Variants in JAK1 observed in about 807,000 individuals in gnomAD.
The protein encoded by JAK1 is tyrosine-protein kinase JAK1.
A neutral mutation model predicts 136.6 loss-of-function variants in JAK1; 16 were observed. The ratio of observed to expected loss-of-function variants is 0.12; its 90% confidence interval spans 0.08 to 0.18. The LOEUF (loss-of-function observed/expected upper bound fraction) is 0.18, where lower values mean the gene tolerates loss of function less well. Ranked by LOEUF, JAK1 falls within the 10% of genes least tolerant of loss-of-function variation. The pLI, the probability that JAK1 is intolerant of heterozygous loss-of-function variation, is 1.00. For missense variants in JAK1, 859 were observed against 1,450.1 expected (o/e 0.59, Z 6.62); for synonymous variants, 492 against 519.5 (o/e 0.95, Z 0.72).
chr1:64,990,919 C>CAAAAAAAAAAAAAAAAAAAGAAAAAAA (rs1646649906), intron 2 of JAK1: 1 of 44,168 alleles, frequency 2.3e-5, no homozygotes, highest in East Asian at 4.0e-4. Context: ...GACTCCGTCT[C>CAAAAAAAAAAAAAAAAAAAGAAAAAAA]AAAAAAAAAA....
intron 4 of JAK1, among the ~76,000 whole-genome samples, chr1:64,876,671 C>G (rs757656312): frequency 1.3e-4 from 20 of 152,078 alleles, no homozygotes; most frequent in Admixed American, 1.2e-3. Flanking sequence ...TATAAAGGTG[C>G]TCATCAAACC....
rs530978437 is a variant in JAK1, at chr1:65,020,272, T to C, written c.-78+24208A>G. ...AAGCTGTGTATAACTTTAGTTCTGT[T>C]AGACAATGCCACACTCTTTCAAAGT... On this transcript the variant is annotated intron_variant, in intron 2 of 25. Transcript: ENST00000671954. Among the ~76,000 whole-genome samples the C allele has an allele frequency of 5.2e-4, 79 of 151,492 alleles. 2 individuals carry two copies. The highest frequency in any genetic ancestry group is 6.9e-3 in the Middle Eastern group (2 of 290).
rs75577126 is a variant in JAK1, at chr1:64,919,286, G to A, written c.-77-32945C>T. On this transcript the variant is annotated intron_variant, in intron 1 of 24. Transcript: ENST00000342505. ...GCGGTGTTTGGTTTTTTGTCCTTGCGACAGTTTGCTGAGAGTGACGGTTTC... is the reference window on the plus strand; with the variant it reads ...GCGGTGTTTGGTTTTTTGTCCTTGCAACAGTTTGCTGAGAGTGACGGTTTC... 1.7e-4 allele frequency among the ~76,000 whole-genome samples: 26 copies of A among 152,196 alleles called. 1 individual carries two copies. Among genetic ancestry groups the A allele is most frequent in the African/African-American group, 5.8e-4 (24 of 41,518 alleles).
At chr1:64,889,040 G>T (rs552462633) in intron 1 of JAK1, among the ~76,000 whole-genome samples, 1 of 152,230 alleles carries the variant, frequency 6.6e-6, no homozygotes, top group South Asian at 2.1e-4. Flanking sequence ...CGGTTTTTTT[G>T]TGTGTGTGCT....
chr1:64,837,329 TA>T (rs1654548241), intron 22 of JAK1, among the ~76,000 whole-genome samples: 1 of 152,208 alleles, frequency 6.6e-6, no homozygotes, highest in African/African-American at 2.4e-5. Context: ...AGGATGCACC[TA>T]GGGGAGTGCT....
At chr1:65,000,275 T>A (rs1646742963) in intron 2 of JAK1, among the ~76,000 whole-genome samples, 1 of 152,110 alleles carries the variant, frequency 6.6e-6, no homozygotes, top group Non-Finnish European at 1.5e-5. Context: ...TGTAGGGCAA[T>A]CCTTATTCCT....
In JAK1 at chr1:65,000,080, T is replaced by G. The variant is rs373134581; in HGVS notation, c.-78+44400A>C. The stretch of plus-strand genomic sequence containing the variant: ...ATCTTGGGTCACTGCAACCTCTGAC[T>G]CCCTGGTTCAAGCGATTCTCCTCCC... On this transcript the variant is annotated intron_variant, in intron 2 of 25. Coordinates refer to the JAK1 transcript ENST00000671954. 1.9e-4 allele frequency among the ~76,000 whole-genome samples: 29 copies of G among 151,136 alleles called. 5 individuals carry two copies. Among genetic ancestry groups the G allele is most frequent in the Admixed American group, 3.3e-4 (5 of 15,130 alleles).
intron 2 of JAK1, among the ~76,000 whole-genome samples, chr1:65,013,263 G>T (rs1450060902): frequency 1.3e-5 from 2 of 151,490 alleles, no homozygotes; most frequent in African/African-American, 2.4e-5. Flanking sequence ...CGGGCGTGCT[G>T]GCATGCACCT....
chr1:65,000,990 A>C (rs1009539141), intron 2 of JAK1, among the ~76,000 whole-genome samples: 1 of 151,648 alleles, frequency 6.6e-6, no homozygotes, highest in Non-Finnish European at 1.5e-5. Flanking sequence ...TGGAGCTCCA[A>C]CTCTACTAAG....
At chr1:64,839,449 A>G in intron 20 of JAK1, 154 bp downstream of exon 20, 2 of 618,112 alleles carry the variant, frequency 3.2e-6, no homozygotes, top group South Asian at 2.6e-5. Context: ...GAGGGATTTG[A>G]CATATGACTT....
chr1:64,929,580 C>T (rs1645652126), intron 1 of JAK1, among the ~76,000 whole-genome samples: 1 of 152,126 alleles, frequency 6.6e-6, no homozygotes, highest in African/African-American at 2.4e-5. Flanking sequence ...CTTGACTTTA[C>T]CATAAGTAAA....
At chr1:65,049,893 T>C (rs905266333) in intron 1 of JAK1, among the ~76,000 whole-genome samples, 6 of 152,226 alleles carry the variant, frequency 3.9e-5, no homozygotes, top group African/African-American at 1.4e-4. Flanking sequence ...CAAATTCGCA[T>C]GCTCCGCTTC....
chr1:64,917,383 A>G (rs1283734275), intron 1 of JAK1, among the ~76,000 whole-genome samples: 1 of 152,216 alleles, frequency 6.6e-6, no homozygotes, highest in African/African-American at 2.4e-5. Flanking sequence ...TCTGAAAATA[A>G]CAGGAGACAG....
chr1:65,007,331 A>G (rs530891), intron 2 of JAK1, among the ~76,000 whole-genome samples: 2,221 of 152,242 alleles, frequency 0.015, 56 homozygotes, highest in African/African-American at 0.051. Flanking sequence ...TTGTCAGGCA[A>G]CTTTGGCTGT....
intron 1 of JAK1, among the ~76,000 whole-genome samples, chr1:64,920,409 A>G (rs142941599): frequency 0.021 from 3,190 of 152,168 alleles, 106 homozygotes; most frequent in African/African-American, 0.068. Context: ...GTGTGGTGGC[A>G]CATACCTGTA....
intron 1 of JAK1, among the ~76,000 whole-genome samples, chr1:65,066,357 T>C (rs1648041635): frequency 6.6e-6 from 1 of 151,990 alleles, no homozygotes; most frequent in Non-Finnish European, 1.5e-5. Context: ...ATGTTTCTAA[T>C]AAAAGAAACA....
intron 2 of JAK1, among the ~76,000 whole-genome samples, chr1:65,033,617 C>T (rs1173625312): frequency 6.6e-6 from 1 of 151,212 alleles, no homozygotes; most frequent in Non-Finnish European, 1.5e-5. Context: ...TTTGGGTGAA[C>T]TGGCTCATGC....
chr1:64,871,631 CA>C (rs1160142660), intron 5 of JAK1, among the ~76,000 whole-genome samples: 4 of 152,200 alleles, frequency 2.6e-5, no homozygotes, highest in Non-Finnish European at 4.4e-5. Context: ...CGACATCACC[CA>C]AAACAGAAAC....
intron 21 of JAK1, 48 bp downstream of exon 21, chr1:64,838,417 C>T (rs1267538160): frequency 1.3e-6 from 2 of 1,598,200 alleles, no homozygotes; most frequent in Admixed American, 3.4e-5. Context: ...TTACCCAGGA[C>T]AGAGTGCCTG....
Sources: gnomAD v4.1 joint callset for allele counts (sites outside exome capture counted in the v4.1 genomes callset) on GRCh38, gnomAD v4.1.1 for gene constraint, MANE v1.5 for transcripts, NCBI Gene and HGNC (gene_info 2026-07-23, HGNC 2026-07-21) for gene names.